The following RYR2 variants were observed in gnomAD, a reference collection of about 807,000 sequenced individuals.
The protein encoded by RYR2 is ryanodine receptor 2.
A neutral mutation model predicts 601.1 loss-of-function variants in RYR2; 227 were observed. That is an observed-to-expected ratio of 0.38 (90% CI 0.34 to 0.42). The LOEUF is 0.42. RYR2 is among the 10% of genes least tolerant of loss of function. The probability of loss-of-function intolerance (pLI) is 1.00; values close to 1 mark genes in which losing one functional copy is unlikely to be tolerated. For synonymous variants in RYR2, 2,223 were observed against 2,175.1 expected, an observed-to-expected ratio of 1.02 and a Z score of -0.61; for missense variants, 4,646 against 6,156.5, an observed-to-expected ratio of 0.75 and a Z score of 8.21.
intron 1 of RYR2, among the ~76,000 whole-genome samples, chr1:237,110,690 C>T (rs919515897): frequency 2.0e-5 from 3 of 152,168 alleles, no homozygotes; most frequent in Admixed American, 6.5e-5. Context: ...TGCTATCTTC[C>T]AGGTAGGCAC....
intron 97 of RYR2, among the ~76,000 whole-genome samples, chr1:237,801,218 AGT>A (rs1659920587): frequency 6.6e-6 from 1 of 152,174 alleles, no homozygotes; most frequent in African/African-American, 2.4e-5. Flanking sequence ...TGGCCAATTT[AGT>A]ACAGTTTCAA....
In RYR2 at chr1:237,294,924, T is replaced by G. The variant is rs144029247; in HGVS notation, c.168+24308T>G. On this transcript the variant is annotated intron_variant, in intron 2 of 104. Transcript: ENST00000366574. ...AAATAAAATGATGTTTGAGAAATTG[T>G]ACTTATAGGCCAGGCATGGTGGCTT... 3.0e-3 allele frequency among the ~76,000 whole-genome samples: 452 copies of G among 152,220 alleles called. 4 individuals are homozygous for G. Among genetic ancestry groups the G allele is most frequent in the African/African-American group, 0.01 (435 of 41,546 alleles).
chr1:237,671,320 G>A (rs770838633), intron 58 of RYR2, among the ~76,000 whole-genome samples: 1 of 152,146 alleles, frequency 6.6e-6, no homozygotes, highest in Non-Finnish European at 1.5e-5. Flanking sequence ...ACTGTGGCCA[G>A]TTTCAGAGCA....
At chr1:237,781,231 G>T (rs772504774) in intron 88 of RYR2, among the ~76,000 whole-genome samples, 1 of 152,024 alleles carries the variant, frequency 6.6e-6, no homozygotes, top group Non-Finnish European at 1.5e-5. Flanking sequence ...TGTATTTTTA[G>T]TAGAGACGGG....
intron 1 of RYR2, among the ~76,000 whole-genome samples, chr1:237,045,391 CCTGTCTCT>C (rs1232760724): frequency 6.6e-6 from 1 of 152,092 alleles, no homozygotes; most frequent in Non-Finnish European, 1.5e-5. Context: ...TTAGCTTGTA[CCTGTCTCT>C]CTGGCATCTC....
intron 2 of RYR2, among the ~76,000 whole-genome samples, chr1:237,298,711 A>T (rs1463035174): frequency 1.3e-5 from 2 of 152,064 alleles, no homozygotes; most frequent in African/African-American, 4.8e-5. Context: ...TTTTTTAAAG[A>T]TTTATTAGCT....
intron 27 of RYR2, among the ~76,000 whole-genome samples, chr1:237,553,026 C>T (rs2805457): frequency 0.9 from 136,883 of 152,034 alleles, 62,472 homozygotes; most frequent in East Asian, 0.97. Context: ...GATTTTCTTC[C>T]GTTTGTAAGT....
intron 14 of RYR2, among the ~76,000 whole-genome samples, chr1:237,451,670 A>G (rs1317580666): frequency 6.6e-6 from 1 of 151,976 alleles, no homozygotes; most frequent in Non-Finnish European, 1.5e-5. Context: ...ATTACTGAGC[A>G]TTTTAAAGAG....
chr1:237,643,428 G>A lies in RYR2; in HGVS notation c.7323G>A (p.Gln2441=), dbSNP rs549205087. 1 of 1,613,848 alleles carries A rather than the reference G, an allele frequency of 6.2e-7. No homozygotes were observed. Among genetic ancestry groups the A allele is most frequent in the Admixed American group, 1.7e-5 (1 of 60,010 alleles). The change falls in exon 48 of 105, where the codon CAG becomes CAA. Residue 2441 remains glutamine (Q), a synonymous_variant. Transcript: ENST00000366574. The part of the protein sequence containing the change: ...DLVGVISIAF[Q]MPTIAKDGNV... ...TGGGCGTTATCAGCATCGCTTTTCA[G>A]ATGCCAACAATAGCCAAAGGTAAGG...
At chr1:237,249,913 A>G (rs1687278596) in intron 1 of RYR2, among the ~76,000 whole-genome samples, 1 of 152,206 alleles carries the variant, frequency 6.6e-6, no homozygotes, top group South Asian at 2.1e-4. Flanking sequence ...CAGTCTAAGA[A>G]AGAGAGAGTC....
chr1:237,708,781 A>G, intron 68 of RYR2, 77 bp from the exon 69 acceptor site: 7 of 1,305,816 alleles, frequency 5.4e-6, no homozygotes, highest in Non-Finnish European at 7.5e-6. Flanking sequence ...TAATTATGTT[A>G]CAATTGTAAT....
At position 237,488,893 on chromosome 1, in the gene RYR2, C is replaced by T. The variant is rs539215815; in HGVS notation, c.1709-2913C>T. 2.7e-4 allele frequency among the ~76,000 whole-genome samples: 41 copies of T among 152,232 alleles called. No homozygotes were observed. The South Asian group carries it at 7.0e-3, about 26-fold the overall frequency. On this transcript the variant is annotated intron_variant, in intron 17 of 104. Coordinates refer to ENST00000366574, the MANE Select transcript of RYR2 (RefSeq NM_001035.3). ...TGTTGGTGGACTCTTCTCACGGACGCGCGTGACAACCATTGCCTTGGGGGT... is the reference window on the plus strand; with the variant it reads ...TGTTGGTGGACTCTTCTCACGGACGTGCGTGACAACCATTGCCTTGGGGGT...
At chr1:237,585,001 A>T (rs1674369938) in intron 29 of RYR2, among the ~76,000 whole-genome samples, 1 of 151,804 alleles carries the variant, frequency 6.6e-6, no homozygotes, top group African/African-American at 2.4e-5. Context: ...TCAGCCTCTC[A>T]GATACAGATA....
chr1:237,564,907 A>G (rs1198959500), intron 27 of RYR2, among the ~76,000 whole-genome samples: 2 of 152,134 alleles, frequency 1.3e-5, no homozygotes, highest in African/African-American at 4.8e-5. Context: ...GCTTTACTTC[A>G]TCTCATTTTA....
At chr1:237,492,793 C>G in intron 18 of RYR2, among the ~76,000 whole-genome samples, 161 bp from the exon 19 acceptor site, 1 of 144,564 alleles carries the variant, frequency 6.9e-6, no homozygotes, top group Non-Finnish European at 1.5e-5. Flanking sequence ...CACTGCACTT[C>G]AGCCTGGGTG....
chr1:237,255,838 A>AGTGTGT (rs4006354), intron 1 of RYR2, among the ~76,000 whole-genome samples: 10,270 of 142,838 alleles, frequency 0.072, 511 homozygotes, highest in African/African-American at 0.13. Flanking sequence ...TTGCTATACC[A>AGTGTGT]GTGTGTGTGT....
chr1:237,147,510 A>G (rs543133482), intron 1 of RYR2, among the ~76,000 whole-genome samples: 17 of 152,296 alleles, frequency 1.1e-4, no homozygotes, highest in African/African-American at 3.8e-4. Flanking sequence ...CTTCTGTTCA[A>G]TGACCATTTT....
chr1:237,784,481 C>A lies in RYR2; in HGVS notation c.12769C>A (p.Arg4257=), dbSNP rs376974288. The A allele has an allele frequency of 6.2e-6, 10 of 1,613,276 alleles. No individual in the cohort carries two copies. The South Asian group carries it at 9.9e-5, about 16-fold the overall frequency. Residue 4257 remains arginine (R), a synonymous_variant, in exon 90 of 105, where the codon CGA becomes AGA. Transcript: ENST00000366574. This position sits in a 1 kb window ranked among gnomAD's most constrained non-coding sequence, Gnocchi z 7.1. ...CAGGTACAATATCTTGACCCTTATG[C>A]GAATGCTCAGTCTGAAGAGCCTGAA... ...ALRYNILTLM[R]MLSLKSLKKQ...
Position 237,061,299 on chromosome 1 carries a change from CTATCT to C in RYR2, c.48+18731_48+18735del, listed in dbSNP as rs1342053352. Among the ~76,000 whole-genome samples the C allele has an allele frequency of 6.2e-5, 9 of 145,756 alleles. No individual in the cohort carries two copies. In the South Asian group the frequency reaches 6.5e-4, roughly 11 times the overall value. ...ATCATCTATCTATCTATCTATCTAT[CTATCT>C]ATCTATCTATCTATCTATCTAATCA... On this transcript the variant is annotated intron_variant, in intron 1 of 104. Transcript: ENST00000366574.
Sources: gnomAD v4.1 joint callset for allele counts (sites outside exome capture counted in the v4.1 genomes callset) on GRCh38, gnomAD v4.1.1 for gene constraint, Gnocchi (gnomAD v3.1) non-coding constraint, MANE v1.5 for transcripts, NCBI Gene and HGNC (gene_info 2026-07-23, HGNC 2026-07-21) for gene names.